The following MCTP1 variants were observed in gnomAD, a reference collection of about 807,000 sequenced individuals.
MCTP1 encodes multiple C2 and transmembrane domain containing 1.
In MCTP1, 69 loss-of-function variants were observed where a neutral mutation model predicts 120.6. The ratio of observed to expected loss-of-function variants is 0.57; its 90% CI spans 0.47 to 0.70. MCTP1 has a LOEUF of 0.70. Among genes scored for constraint, MCTP1 ranks in the 30% least tolerant of loss-of-function variants. The pLI is 0.00. For missense variants in MCTP1, 1,203 were observed against 1,248.8 expected (o/e 0.96, Z 0.55); for synonymous variants, 529 against 493.1 (o/e 1.07, Z -0.96).
intron 1 of MCTP1, chr5:95,038,251 G>T: frequency 3.1e-6 from 1 of 326,532 alleles, no homozygotes; most frequent in Non-Finnish European, 4.4e-6. Flanking sequence ...TGAATATTGT[G>T]ATTTATTTTC....
intron 1 of MCTP1, among the ~76,000 whole-genome samples, chr5:95,141,027 C>T (rs547392693): frequency 6.6e-6 from 1 of 152,144 alleles, no homozygotes; most frequent in East Asian, 1.9e-4. Context: ...GTGTATCTAT[C>T]CTTATCAAGA....
chr5:94,922,401 A>T (rs1811885988), intron 7 of MCTP1, among the ~76,000 whole-genome samples: 2 of 152,122 alleles, frequency 1.3e-5, no homozygotes, highest in African/African-American at 4.8e-5. Context: ...ATTCACAATG[A>T]CCAGTGTGCA....
In MCTP1 at chr5:95,151,283, C is replaced by CAGAAAATATCAT. The variant is rs374108624; in HGVS notation, c.720+132561_720+132572dup. Among the ~76,000 whole-genome samples the CAGAAAATATCAT allele has an allele frequency of 3.1e-3, 474 of 151,874 alleles. 2 individuals carry two copies. Among genetic ancestry groups the CAGAAAATATCAT allele is most frequent in the African/African-American group, 0.011 (454 of 41,376 alleles). The stretch of plus-strand genomic sequence containing the variant: ...ATAGGCATGAGCCACCACACCCGGC[C>CAGAAAATATCAT]AGAAAATATCATTAAGAAAATCATA... On this transcript the variant is annotated intron_variant, in intron 1 of 22. Transcript: ENST00000515393.
chr5:95,253,871 T>C (rs1459598343), intron 1 of MCTP1, among the ~76,000 whole-genome samples: 1 of 152,134 alleles, frequency 6.6e-6, no homozygotes, highest in Non-Finnish European at 1.5e-5. Context: ...ACTGCTCTTG[T>C]ATATTTGCAA....
intron 18 of MCTP1, chr5:94,784,857 A>G (rs1269350244): frequency 6.6e-6 from 1 of 152,044 alleles, no homozygotes; most frequent in Non-Finnish European, 1.5e-5. Flanking sequence ...TTTTACAGAG[A>G]CACTCAAATA....
intron 1 of MCTP1, among the ~76,000 whole-genome samples, chr5:95,168,340 A>G (rs917068377): frequency 6.6e-6 from 1 of 151,936 alleles, no homozygotes; most frequent in Non-Finnish European, 1.5e-5. Flanking sequence ...GATGCCTCCA[A>G]CTTTGTTCTT....
intron 19 of MCTP1, among the ~76,000 whole-genome samples, chr5:94,722,555 T>C (rs1307067260): frequency 6.6e-6 from 1 of 152,208 alleles, no homozygotes; most frequent in Non-Finnish European, 1.5e-5. Flanking sequence ...TTAAATCTTA[T>C]GCTACGATAA....
At chr5:95,075,858 T>C (rs1753418287) in intron 1 of MCTP1, among the ~76,000 whole-genome samples, 1 of 152,232 alleles carries the variant, frequency 6.6e-6, no homozygotes, top group Non-Finnish European at 1.5e-5. Flanking sequence ...GTTATATAGC[T>C]TTCAAAAACT....
chr5:94,740,064 G>C (rs557454709), intron 19 of MCTP1, among the ~76,000 whole-genome samples: 2 of 152,232 alleles, frequency 1.3e-5, no homozygotes, highest in Non-Finnish European at 2.9e-5. Flanking sequence ...ATATTTTCTT[G>C]AATCATACAC....
intron 1 of MCTP1, among the ~76,000 whole-genome samples, chr5:95,129,274 C>T (rs946866617): frequency 6.6e-6 from 1 of 152,152 alleles, no homozygotes; most frequent in Non-Finnish European, 1.5e-5. Flanking sequence ...TTATCTGAAG[C>T]AAGTTTTATC....
rs563694744 is a variant in MCTP1 at position 95,165,607 on chromosome 5, T to G, written c.720+118249A>C. On this transcript the variant is annotated intron_variant, in intron 1 of 22. Transcript: ENST00000515393. ...GGACTCCTCAGAGGATATAGCTGTC[T>G]GCTACAAAGACCACCAGCAGCCACA... Among the ~76,000 whole-genome samples the G allele has an allele frequency of 9.8e-5, 15 of 152,352 alleles. No homozygotes were observed. In the South Asian group the frequency reaches 2.5e-3, roughly 25 times the overall value.
At chr5:95,131,983 C>G (rs1196304560) in intron 1 of MCTP1, among the ~76,000 whole-genome samples, 1 of 152,170 alleles carries the variant, frequency 6.6e-6, no homozygotes, top group Admixed American at 6.5e-5. Flanking sequence ...ATGAGCCACA[C>G]AAGAAATTAG....
chr5:95,246,296 CATA>C (rs780292190), intron 1 of MCTP1, among the ~76,000 whole-genome samples: 7 of 152,128 alleles, frequency 4.6e-5, no homozygotes, highest in Non-Finnish European at 8.8e-5. Context: ...CAGCTAACAT[CATA>C]ATGACAGGAT....
chr5:94,950,682 G>A (rs1379073455), intron 3 of MCTP1, among the ~76,000 whole-genome samples: 3 of 151,974 alleles, frequency 2.0e-5, no homozygotes, highest in Non-Finnish European at 4.4e-5. Flanking sequence ...GGCCAGGCGC[G>A]GTGGCTCGTG....
intron 19 of MCTP1, among the ~76,000 whole-genome samples, chr5:94,756,954 T>C (rs945508127): frequency 6.6e-6 from 1 of 152,144 alleles, no homozygotes; most frequent in Non-Finnish European, 1.5e-5. Flanking sequence ...CTCAAGGTCA[T>C]AGGGCAATAT....
At chr5:95,100,090 A>G (rs932470493) in intron 1 of MCTP1, among the ~76,000 whole-genome samples, 32 of 139,958 alleles carry the variant, frequency 2.3e-4, no homozygotes, top group Admixed American at 2.2e-3. Flanking sequence ...ACGTGGACAC[A>G]GGAAGGGGAA....
chr5:95,212,218 A>G (rs1436698145), intron 1 of MCTP1, among the ~76,000 whole-genome samples: 1 of 152,214 alleles, frequency 6.6e-6, no homozygotes, highest in Non-Finnish European at 1.5e-5. Flanking sequence ...ACAAACTACC[A>G]TCAGCGAATA....
In MCTP1 at chr5:95,077,411, T is replaced by C. The variant is rs140634952; in HGVS notation, c.721-59927A>G. ...TATGAATAATGTGTGTAAATATATATGTATATATCTGCACACATTTAGCTT... is the reference window on the plus strand; with the variant it reads ...TATGAATAATGTGTGTAAATATATACGTATATATCTGCACACATTTAGCTT... On this transcript the variant is annotated intron_variant, in intron 1 of 22. Transcript: ENST00000515393. Among the ~76,000 whole-genome samples the C allele has an allele frequency of 2.0e-4, 31 of 152,290 alleles. 2 individuals are homozygous for C. Among genetic ancestry groups the C allele is most frequent in the African/African-American group, 7.0e-4 (29 of 41,578 alleles).
chr5:95,023,315 C>T (rs1838564779), intron 1 of MCTP1, among the ~76,000 whole-genome samples: 1 of 152,148 alleles, frequency 6.6e-6, no homozygotes, highest in Non-Finnish European at 1.5e-5. Flanking sequence ...TCCCATGGTT[C>T]TAGAAATTAT....
Sources: gnomAD v4.1 joint callset for allele counts (sites outside exome capture counted in the v4.1 genomes callset) on GRCh38, gnomAD v4.1.1 for gene constraint, MANE v1.5 for transcripts, NCBI Gene and HGNC (gene_info 2026-07-23, HGNC 2026-07-21) for gene names.